Variants in CLNK observed in about 807,000 individuals in gnomAD.
The protein encoded by CLNK is cytokine dependent hematopoietic cell linker.
In CLNK, 74 loss-of-function variants were observed where a neutral mutation model predicts 68.6. That is an observed-to-expected ratio of 1.08 (90% CI 0.89 to 1.31). CLNK has a LOEUF of 1.31. Ranked by LOEUF, CLNK falls within the 50% of genes most tolerant of loss-of-function variation. The probability of loss-of-function intolerance (pLI) is 0.00; values close to 1 mark genes in which losing one functional copy is unlikely to be tolerated. For synonymous variants in CLNK, 198 were observed against 172.2 expected (o/e 1.15, Z -1.17); for missense variants, 553 against 515.3 (o/e 1.07, Z -0.71).
intron 2 of CLNK, among the ~76,000 whole-genome samples, chr4:10,626,329 T>A (rs1389938179): frequency 6.6e-6 from 1 of 152,236 alleles, no homozygotes; most frequent in Non-Finnish European, 1.5e-5. Context: ...TTCTCATTCA[T>A]GCTCTCCTTC....
chr4:10,593,311 C>T (rs1231247883), intron 3 of CLNK, among the ~76,000 whole-genome samples: 5 of 151,702 alleles, frequency 3.3e-5, no homozygotes, highest in Non-Finnish European at 7.4e-5. Flanking sequence ...GGTTCCTGGG[C>T]TTGCCTGACT....
intron 2 of CLNK, among the ~76,000 whole-genome samples, chr4:10,601,225 G>A (rs983740551): frequency 1.3e-5 from 2 of 152,164 alleles, no homozygotes; most frequent in Non-Finnish European, 2.9e-5. Flanking sequence ...CCTGGAGAAT[G>A]TGTGTCAGCT....
chr4:10,550,231 A>G (rs1719392235), intron 8 of CLNK, among the ~76,000 whole-genome samples: 1 of 152,098 alleles, frequency 6.6e-6, no homozygotes, highest in Admixed American at 6.6e-5. Context: ...CGGTGGCTCA[A>G]GCCTGTAATC....
At chr4:10,682,447 T>C (rs1725129810) in intron 1 of CLNK, among the ~76,000 whole-genome samples, 1 of 152,190 alleles carries the variant, frequency 6.6e-6, no homozygotes, top group South Asian at 2.1e-4. Context: ...TGCTTCTAGA[T>C]CTCTGTCTGC....
At chr4:10,679,687 C>T (rs1251886787) in intron 1 of CLNK, among the ~76,000 whole-genome samples, 1 of 152,056 alleles carries the variant, frequency 6.6e-6, no homozygotes, top group Non-Finnish European at 1.5e-5. Flanking sequence ...ACAAACAACC[C>T]CATCAAAAAG....
At chr4:10,660,161 A>T (rs1343963964) in intron 2 of CLNK, among the ~76,000 whole-genome samples, 1 of 152,184 alleles carries the variant, frequency 6.6e-6, no homozygotes, top group East Asian at 1.9e-4. Context: ...TCCTAGGATG[A>T]TTGTTTTTCC....
intron 2 of CLNK, among the ~76,000 whole-genome samples, chr4:10,664,249 T>A (rs1210518985): frequency 1.3e-5 from 2 of 151,960 alleles, no homozygotes; most frequent in South Asian, 4.2e-4. Context: ...AAAGGAATGA[T>A]GTCTGACTAT....
At chr4:10,598,741 C>T (rs1721477540) in intron 2 of CLNK, 1 of 395,268 alleles carries the variant, frequency 2.5e-6, no homozygotes, top group South Asian at 1.8e-5. Context: ...TTTAATCAGC[C>T]ACGTTTCCCA....
At chr4:10,634,977 GGT>G (rs1723027102) in intron 2 of CLNK, among the ~76,000 whole-genome samples, 1 of 152,152 alleles carries the variant, frequency 6.6e-6, no homozygotes, top group Non-Finnish European at 1.5e-5. Context: ...CCTGATTCCA[GGT>G]GTAGGGCTTT....
At chr4:10,626,417 C>G (rs1299173246) in intron 2 of CLNK, among the ~76,000 whole-genome samples, 2 of 152,182 alleles carry the variant, frequency 1.3e-5, no homozygotes, top group Non-Finnish European at 1.5e-5. Flanking sequence ...CATTTATTCG[C>G]ACCAAATTCT....
Position 10,488,438 on chromosome 4 carries a change from G to A in CLNK, c.*2029C>T, listed in dbSNP as rs1169037934. The A allele has an allele frequency of 6.6e-6, 1 of 152,338 alleles. No homozygotes were observed. The allele number at this position is 152,338 out of a possible 1,614,324, so 9.4% of individuals were successfully genotyped here. On this transcript the variant is annotated 3_prime_UTR_variant, in exon 19 of 19. Coordinates refer to ENST00000226951, the MANE Select transcript of CLNK (RefSeq NM_052964.4). Reference sequence around the variant, plus strand: ...CTTAATGTGAGCCTGGAGCTCTTCTGTAAAGTCCTTGTTTCCATACTGTCC... The same window carrying A: ...CTTAATGTGAGCCTGGAGCTCTTCTATAAAGTCCTTGTTTCCATACTGTCC...
At chr4:10,612,941 A>T (rs1722087355) in intron 2 of CLNK, among the ~76,000 whole-genome samples, 2 of 152,250 alleles carry the variant, frequency 1.3e-5, no homozygotes, top group African/African-American at 4.8e-5. Flanking sequence ...CATGCTTGGA[A>T]TAGAACAAGT....
At chr4:10,524,759 G>A (rs989600310) in intron 14 of CLNK, among the ~76,000 whole-genome samples, 3 of 152,256 alleles carry the variant, frequency 2.0e-5, no homozygotes, top group East Asian at 3.9e-4. Flanking sequence ...TTTAAGCTGG[G>A]GTTCCATGGA....
the CLNK span, chr4:10,697,473 A>G: frequency 1.3e-5 from 2 of 152,200 alleles, no homozygotes; most frequent in African/African-American, 4.8e-5. Context: ...CTTGGTGAGC[A>G]AAAGAAGCCA....
At chr4:10,490,895 G>C (rs576779932) in intron 18 of CLNK, among the ~76,000 whole-genome samples, 1 of 151,754 alleles carries the variant, frequency 6.6e-6, no homozygotes, top group Non-Finnish European at 1.5e-5. Flanking sequence ...CTCCCAAGTA[G>C]CTGGGATTAC....
chr4:10,540,436 C>G (rs2108808126), intron 11 of CLNK, 58 bp downstream of exon 11: 1 of 1,346,566 alleles, frequency 7.4e-7, no homozygotes, highest in South Asian at 1.2e-5. Flanking sequence ...TCCCTTGTCC[C>G]CCTCCCCCAC....
chr4:10,565,769 A>G (rs553247974), intron 6 of CLNK, among the ~76,000 whole-genome samples: 1 of 152,132 alleles, frequency 6.6e-6, no homozygotes, highest in South Asian at 2.1e-4. Context: ...TGAGAACTCA[A>G]CATGCGTCAT....
chr4:10,680,270 A>G (rs1477047456), intron 1 of CLNK, among the ~76,000 whole-genome samples: 2 of 151,206 alleles, frequency 1.3e-5, no homozygotes, highest in African/African-American at 2.4e-5. Context: ...CGCAAGGACA[A>G]TAAACCAAAC....
rs974586253 is a variant in CLNK at position 10,542,299 on chromosome 4, T to C, written c.446-19A>G. The C allele has an allele frequency of 6.6e-7, 1 of 1,510,074 alleles. No homozygotes were observed. Among genetic ancestry groups the C allele is most frequent in the Non-Finnish European group, 9.1e-7 (1 of 1,104,680 alleles). The allele number at this position is 1,510,074 out of a possible 1,614,324, so 93.5% of individuals were successfully genotyped here. On this transcript the variant is annotated intron_variant, in intron 8 of 18. Transcript: ENST00000226951. ...GCATCTCCTAAAACATAAGAGGGAA[T>C]AGCAGTGAATTTATGGAAAATGTCA...
Sources: gnomAD v4.1 joint callset for allele counts (sites outside exome capture counted in the v4.1 genomes callset) on GRCh38, gnomAD v4.1.1 for gene constraint, MANE v1.5 for transcripts, NCBI Gene and HGNC (gene_info 2026-07-23, HGNC 2026-07-21) for gene names.